DOCK4: variants seen among roughly 807,000 people sequenced by gnomAD.
DOCK4 encodes dedicator of cytokinesis protein 4.
A neutral mutation model predicts 268.1 loss-of-function variants in DOCK4; 97 were observed. That is an observed-to-expected ratio of 0.36 (90% CI 0.31 to 0.43). The LOEUF (loss-of-function observed/expected upper bound fraction) is 0.43. DOCK4 is among the 20% of genes least tolerant of loss of function. DOCK4 has a pLI of 1.00. For missense variants in DOCK4, 2,145 were observed against 2,455.7 expected, an observed-to-expected ratio of 0.87 and a Z score of 2.67; for synonymous variants, 954 against 887.2, an observed-to-expected ratio of 1.08 and a Z score of -1.34.
In DOCK4 at chr7:111,862,079, T is replaced by C. The variant is rs543663624; in HGVS notation, c.2473+1293A>G. 2.5e-4 allele frequency among the ~76,000 whole-genome samples: 38 copies of C among 152,146 alleles called. 1 individual carries two copies. The highest frequency in any genetic ancestry group is 8.9e-4 in the African/African-American group (37 of 41,528). On this transcript the variant is annotated intron_variant, in intron 23 of 52. Transcript: ENST00000428084. ...ACTTTGGGAGGCCAAGGTGGACGGATTGCAAGGTCAGGAGTTCGACAGCAG... is the reference window on the plus strand; with the variant it reads ...ACTTTGGGAGGCCAAGGTGGACGGACTGCAAGGTCAGGAGTTCGACAGCAG...
Position 111,847,141 on chromosome 7 carries a change from G to C in DOCK4, c.2474-15C>G. 1.2e-6 allele frequency: 2 copies of C among 1,613,246 alleles called. No individual in the cohort carries two copies. Among genetic ancestry groups the C allele is most frequent in the Non-Finnish European group, 1.7e-6 (2 of 1,179,398 alleles). ...GTATCGGGAATCTGAAGAGAGAAGA[G>C]TCATTAGTGTCACATCTGTTGGAGT... On this transcript the variant is annotated splice_polypyrimidine_tract_variant and intron_variant, in intron 23 of 52. Transcript: ENST00000428084.
chr7:111,737,513 A>C (rs910519522), intron 49 of DOCK4, among the ~76,000 whole-genome samples: 4 of 152,150 alleles, frequency 2.6e-5, no homozygotes, highest in Non-Finnish European at 5.9e-5. Context: ...TAGTTCAAAA[A>C]ATCACTAGTG....
chr7:112,165,875 A>G (rs942528076), intron 1 of DOCK4, among the ~76,000 whole-genome samples: 4 of 152,070 alleles, frequency 2.6e-5, no homozygotes, highest in African/African-American at 9.7e-5. Context: ...CACGTTTCCC[A>G]TCCTATGCCA....
chr7:111,919,561 T>C (rs1266591637), intron 12 of DOCK4, among the ~76,000 whole-genome samples: 1 of 152,140 alleles, frequency 6.6e-6, no homozygotes, highest in Non-Finnish European at 1.5e-5. Context: ...TTTAGAGCAA[T>C]ATAGATTAAA....
At chr7:112,067,690 T>A (rs1340101927) in intron 1 of DOCK4, among the ~76,000 whole-genome samples, 1 of 152,200 alleles carries the variant, frequency 6.6e-6, no homozygotes, top group Non-Finnish European at 1.5e-5. Flanking sequence ...AACTTACGGC[T>A]TTGACTTCTT....
At chr7:111,864,566 A>G (rs1805821065) in intron 22 of DOCK4, among the ~76,000 whole-genome samples, 1 of 152,226 alleles carries the variant, frequency 6.6e-6, no homozygotes, top group Admixed American at 6.5e-5. Context: ...ACTCAAATTT[A>G]AGAATTTTAG....
chr7:112,079,051 TA>T (rs1033566689), intron 1 of DOCK4, among the ~76,000 whole-genome samples: 1 of 152,062 alleles, frequency 6.6e-6, no homozygotes, highest in Non-Finnish European at 1.5e-5. Context: ...CGTTTTAACC[TA>T]GGGGGCAAAG....
chr7:111,770,834 C>T (rs578058204), intron 36 of DOCK4, among the ~76,000 whole-genome samples: 6 of 152,180 alleles, frequency 3.9e-5, no homozygotes, highest in Non-Finnish European at 7.3e-5. Context: ...GGTAACTACA[C>T]ATAAAGCCCT....
rs1208523406 is a variant in DOCK4, at chr7:111,933,229, CACATATATACGTATATAT to C, written c.1066+2293_1066+2310del. On this transcript the variant is annotated intron_variant, in intron 12 of 52. Transcript: ENST00000428084. ...GTATATACACATATATACGTATATA[CACATATATACGTATATAT>C]ACATATATACTTATATATATATACA... Among the ~76,000 whole-genome samples the C allele has an allele frequency of 3.9e-4, 53 of 134,748 alleles. 1 individual carries two copies. The highest frequency in any genetic ancestry group is 6.2e-4 in the Non-Finnish European group (39 of 63,196). The allele number at this position is 134,748 out of a possible 152,430, so 88.4% of individuals were successfully genotyped here.
chr7:111,872,806 G>A (rs1033789802), intron 17 of DOCK4, among the ~76,000 whole-genome samples: 7 of 152,116 alleles, frequency 4.6e-5, no homozygotes, highest in Non-Finnish European at 1.5e-5. Context: ...TCCTCAGATC[G>A]GATGTTGCTT....
intron 42 of DOCK4, among the ~76,000 whole-genome samples, chr7:111,753,285 AG>A (rs2133535063): frequency 6.6e-6 from 1 of 152,270 alleles, no homozygotes; most frequent in South Asian, 2.1e-4. Flanking sequence ...GACTAGCCTG[AG>A]CAACATCGTG....
chr7:111,944,922 A>G (rs1562922445), intron 9 of DOCK4, 51 bp from the exon 10 acceptor site: 1 of 1,448,886 alleles, frequency 6.9e-7, no homozygotes, highest in East Asian at 2.3e-5. Context: ...CGGCACTTAA[A>G]GGGCATAGCA....
chr7:111,756,959 G>A (rs1797062224), intron 41 of DOCK4, among the ~76,000 whole-genome samples: 1 of 152,064 alleles, frequency 6.6e-6, no homozygotes, highest in African/African-American at 2.4e-5. Flanking sequence ...GCCAGCCTGC[G>A]GGAGGAGGAC....
chr7:112,098,488 T>G (rs1206307892), intron 1 of DOCK4, among the ~76,000 whole-genome samples: 3 of 150,690 alleles, frequency 2.0e-5, no homozygotes, highest in African/African-American at 7.3e-5. Flanking sequence ...ATAAATTATA[T>G]ATCTTATAGT....
intron 4 of DOCK4, among the ~76,000 whole-genome samples, chr7:111,995,301 G>T (rs1460433386): frequency 6.6e-6 from 1 of 152,022 alleles, no homozygotes; most frequent in Admixed American, 6.6e-5. Flanking sequence ...AAAGTGCTGG[G>T]ATTACCAGTG....
At chr7:111,978,078 T>A (rs565707527) in intron 7 of DOCK4, among the ~76,000 whole-genome samples, 1 of 152,298 alleles carries the variant, frequency 6.6e-6, no homozygotes, top group Non-Finnish European at 1.5e-5. Flanking sequence ...ATCTCCTATG[T>A]ACCAAGCCCT....
chr7:112,077,472 T>G (rs1273092008), intron 1 of DOCK4, among the ~76,000 whole-genome samples: 1 of 152,136 alleles, frequency 6.6e-6, no homozygotes, highest in Non-Finnish European at 1.5e-5. Flanking sequence ...TAAAGATATA[T>G]TATTTATAAA....
At chr7:112,154,131 C>A (rs1054576465) in intron 1 of DOCK4, among the ~76,000 whole-genome samples, 1 of 151,978 alleles carries the variant, frequency 6.6e-6, no homozygotes, top group African/African-American at 2.4e-5. Flanking sequence ...GCCACCATGT[C>A]CAGCTCATTT....
At chr7:111,909,921 T>C (rs1214392058) in intron 13 of DOCK4, among the ~76,000 whole-genome samples, 3 of 149,358 alleles carry the variant, frequency 2.0e-5, no homozygotes, top group Non-Finnish European at 4.4e-5. Flanking sequence ...ATGATTGTAC[T>C]ACTACACTCC....
Sources: gnomAD v4.1 joint callset for allele counts (sites outside exome capture counted in the v4.1 genomes callset) on GRCh38, gnomAD v4.1.1 for gene constraint, MANE v1.5 for transcripts, NCBI Gene and HGNC (gene_info 2026-07-23, HGNC 2026-07-21) for gene names.